Variants in FMO5 observed in about 807,000 individuals in gnomAD.
FMO5 encodes the protein flavin-containing monooxygenase 5.
In FMO5, 51 loss-of-function variants were observed where a neutral mutation model predicts 43.6. That is an observed-to-expected ratio of 1.17 (90% confidence interval 0.93 to 1.48). The LOEUF (loss-of-function observed/expected upper bound fraction) is 1.48. FMO5 is among the 40% of genes most tolerant of loss of function. FMO5 has a pLI of 0.00. For missense variants in FMO5, 644 were observed against 643.0 expected (o/e 1.00, Z -0.02); for synonymous variants, 187 against 216.5 (o/e 0.86, Z 1.20).
downstream of FMO5, chr1:147,184,703 C>A: frequency 7.1e-7 from 1 of 1,413,212 alleles, no homozygotes; most frequent in South Asian, 1.8e-5. The surrounding 1 kb of genome is among the most constrained non-coding windows in gnomAD (Gnocchi z 4.4). Context: ...CTCAAAGGTA[C>A]ATACTATCAG....
intron 8 of FMO5, 61 bp downstream of exon 8, chr1:147,190,116 T>G: frequency 8.7e-7 from 1 of 1,155,790 alleles, no homozygotes; most frequent in Non-Finnish European, 1.3e-6. Flanking sequence ...CAGTACAATA[T>G]TTCTTTTATT....
Position 147,201,284 on chromosome 1 carries a change from A to G in FMO5, c.1051T>C (p.Ser351Pro), listed in dbSNP as rs1044848. 1 of 1,614,126 alleles carries G rather than the reference A, an allele frequency of 6.2e-7. No individual in the cohort carries two copies. The highest frequency in any genetic ancestry group is 1.3e-5 in the African/African-American group (1 of 75,038). ...DSVKVVKNKI[S>P]LYKKVFPPNL... ...GGAGGGAAGACCTTTTTATACAGGG[A>G]TATCTTGTTTTTGACCACTTTGACG... The change falls in exon 7 of 9, where the codon TCC becomes CCC. Residue 351 changes from serine to proline, a missense_variant. Ser to Pro is a moderately conservative substitution (Grantham distance 74, BLOSUM62 -1). Coordinates refer to ENST00000254090, the MANE Select transcript of FMO5 (RefSeq NM_001461.4).
At chr1:147,196,282 A>G (rs1185403185) in intron 7 of FMO5, among the ~76,000 whole-genome samples, 1 of 152,146 alleles carries the variant, frequency 6.6e-6, no homozygotes, top group African/African-American at 2.4e-5. Context: ...CATGGGAATT[A>G]TTATTTATCA....
chr1:147,204,410 T>G lies in FMO5; in HGVS notation c.831-2906A>C. 2.6e-6 allele frequency: 3 copies of G among 1,140,444 alleles called. No homozygotes were observed. In the South Asian group the frequency reaches 3.7e-5, roughly 14 times the overall value. The allele number at this position is 1,140,444 out of a possible 1,614,324, so 70.6% of individuals were successfully genotyped here. The stretch of plus-strand genomic sequence containing the variant: ...ATAAGCTTGGCCAGAAATACTTCAT[T>G]ACCATATTGTTTACACATTACAGAG... On this transcript the variant is annotated intron_variant, in intron 6 of 8. Transcript: ENST00000254090.
At chr1:147,187,505 G>C (rs1162219568) in intron 8 of FMO5, among the ~76,000 whole-genome samples, 2 of 152,162 alleles carry the variant, frequency 1.3e-5, no homozygotes, top group East Asian at 3.9e-4. Context: ...AGTTAAAAGA[G>C]AGCTGTAATC....
chr1:147,192,159 C>G (rs1357893914), intron 7 of FMO5, among the ~76,000 whole-genome samples: 1 of 152,078 alleles, frequency 6.6e-6, no homozygotes, highest in African/African-American at 2.4e-5. Context: ...AATGTTCTTC[C>G]ATTTCTTTGT....
At chr1:147,212,560 T>C in intron 4 of FMO5, 25 bp from the exon 5 acceptor site, 1 of 1,605,340 alleles carries the variant, frequency 6.2e-7, no homozygotes, top group Non-Finnish European at 8.5e-7. Context: ...AAAATAATTA[T>C]TGGGTAATGG....
Position 147,204,473 on chromosome 1 carries a change from G to C in FMO5, c.831-2969C>G, listed in dbSNP as rs1356823901. ...GATGAGACTTCATCAACATCTCGAA[G>C]GTTTTTTGCAGAACAACGTACCAAA... On this transcript the variant is annotated intron_variant, in intron 6 of 8. Transcript: ENST00000254090. 21 of 1,472,790 alleles carry C rather than the reference G, an allele frequency of 1.4e-5. No homozygotes were observed. In the Admixed American group the frequency reaches 3.5e-4, roughly 25 times the overall value. The allele number at this position is 1,472,790 out of a possible 1,614,324, so 91.2% of individuals were successfully genotyped here. A position where few individuals can be genotyped will look rare whatever the true frequency, so the allele number is the denominator to read the frequency against.
chr1:147,219,582 A>T (rs1042973215), intron 2 of FMO5, among the ~76,000 whole-genome samples: 107 of 152,250 alleles, frequency 7.0e-4, no homozygotes, highest in African/African-American at 2.5e-3. Context: ...CAAGGTAAGG[A>T]TGTCCTCTCT....
intron 7 of FMO5, among the ~76,000 whole-genome samples, chr1:147,196,180 A>G (rs1657959999): frequency 6.6e-6 from 1 of 152,108 alleles, no homozygotes; most frequent in Non-Finnish European, 1.5e-5. Context: ...TCTAATAACT[A>G]TCCTGGTGTA....
chr1:147,187,278 CAA>C (rs1553917389), intron 8 of FMO5, 33 bp from the exon 9 acceptor site: 1 of 1,483,346 alleles, frequency 6.7e-7, no homozygotes, highest in South Asian at 1.3e-5. Flanking sequence ...CATGGCCTGT[CAA>C]TAATTCAATC....
chr1:147,223,844 C>G (rs145643719), intron 2 of FMO5: 1 of 303,056 alleles, frequency 3.3e-6, no homozygotes, highest in Non-Finnish European at 6.3e-6. Context: ...ACTGCTTACG[C>G]GGGCCCACAA....
At chr1:147,203,808 C>G in intron 6 of FMO5, 1 of 1,551,488 alleles carries the variant, frequency 6.4e-7, no homozygotes, top group Non-Finnish European at 8.9e-7. Context: ...CCCCGAAGTA[C>G]TATGGTAGAA....
At chr1:147,194,304 G>T (rs1466569577) in intron 7 of FMO5, among the ~76,000 whole-genome samples, 4 of 152,078 alleles carry the variant, frequency 2.6e-5, no homozygotes, top group African/African-American at 9.7e-5. Context: ...TTTAAAGTCT[G>T]TTTTATCAGA....
intron 5 of FMO5, among the ~76,000 whole-genome samples, chr1:147,211,858 A>G (rs587698446): frequency 7.9e-5 from 12 of 152,312 alleles, no homozygotes; most frequent in Non-Finnish European, 1.3e-4. Flanking sequence ...CATGTGCTAC[A>G]GTTTGGACGC....
Position 147,193,712 on chromosome 1 carries a change from G to C in FMO5, c.1184-3463C>G, listed in dbSNP as rs1299160178. 2.6e-5 allele frequency among the ~76,000 whole-genome samples: 4 copies of C among 152,198 alleles called. No individual in the cohort carries two copies. The East Asian group carries it at 7.7e-4, about 29-fold the overall frequency. On this transcript the variant is annotated intron_variant, in intron 7 of 8. Transcript: ENST00000254090. ...AGAGATTCTGGTATGTTGTGTCTTT[G>C]TTCCCATTGGTTTCAAAGAACATCT...
intron 2 of FMO5, chr1:147,223,942 C>G (rs1374676268): frequency 2.7e-6 from 1 of 376,172 alleles, no homozygotes; most frequent in Non-Finnish European, 5.2e-6. Flanking sequence ...ATACCCCCAT[C>G]GAGACACCAC....
In FMO5 at chr1:147,186,552, C is replaced by CT; in HGVS notation, c.*347dup. ...GTAAGCGATTTTATACCGATGCTGA[C>CT]TTACTCTCCCTACCATAAAATTTGA... is the stretch of plus-strand genomic sequence containing the variant. On this transcript the variant is annotated 3_prime_UTR_variant, in exon 9 of 9. Coordinates refer to ENST00000254090, the MANE Select transcript of FMO5 (RefSeq NM_001461.4). The CT allele has an allele frequency of 9.9e-7, 1 of 1,014,436 alleles. No individual in the cohort carries two copies. Among genetic ancestry groups the CT allele is most frequent in the African/African-American group, 1.7e-5 (1 of 58,224 alleles). The allele number at this position is 1,014,436 out of a possible 1,614,324, so 62.8% of individuals were successfully genotyped here. A position where few individuals can be genotyped will look rare whatever the true frequency, so the allele number is the denominator to read the frequency against.
chr1:147,201,257 T>G lies in FMO5; in HGVS notation c.1078A>C (p.Asn360His). 1 of 1,614,164 alleles carries G rather than the reference T, an allele frequency of 6.2e-7. No individual in the cohort carries two copies. Among genetic ancestry groups the G allele is most frequent in the South Asian group, 1.1e-5 (1 of 91,080 alleles). The change falls in exon 7 of 9, where the codon AAC (asparagine) becomes CAC (histidine). Residue 360 changes from asparagine to histidine, a missense_variant. Asn to His is a moderately conservative substitution (Grantham distance 68). Transcript: ENST00000254090. ...ISLYKKVFPP[N>H]LERPTLAIIG... ...ATTGCAAGAGTTGGCCTTTCCAGGT[T>G]AGGAGGGAAGACCTTTTTATACAGG...
Sources: allele counts gnomAD v4.1 joint callset (sites outside exome capture counted in the v4.1 genomes callset), GRCh38; gene constraint gnomAD v4.1.1; non-coding constraint Gnocchi (gnomAD v3.1); transcripts MANE v1.5; gene names NCBI Gene and HGNC (gene_info 2026-07-23, HGNC 2026-07-21).